The following TIMM23 variants were observed in gnomAD, a reference collection of about 807,000 sequenced individuals.
TIMM23 encodes the protein translocase of inner mitochondrial membrane 23.
A neutral mutation model predicts 30.7 loss-of-function variants in TIMM23; 19 were observed. The ratio of observed to expected loss-of-function variants is 0.62; its 90% CI spans 0.43 to 0.91. The LOEUF is 0.91. Ranked by LOEUF, TIMM23 falls within the 40% of genes least tolerant of loss-of-function variation. TIMM23 has a pLI of 0.00. For missense variants in TIMM23, 202 were observed against 269.2 expected (o/e 0.75, Z 1.75); for synonymous variants, 78 against 98.5 (o/e 0.79, Z 1.23).
chr10:45,983,459 C>G (rs1224908936), intron 4 of TIMM23, among the ~76,000 whole-genome samples: 5 of 152,154 alleles, frequency 3.3e-5, no homozygotes, highest in African/African-American at 1.2e-4. Context: ...TCTGTTAGAA[C>G]TTGAAGTTAC....
chr10:45,999,469 G>A (rs1564911973), intron 6 of TIMM23, among the ~76,000 whole-genome samples: 1 of 152,128 alleles, frequency 6.6e-6, no homozygotes, highest in African/African-American at 2.4e-5. Flanking sequence ...GACATCACAT[G>A]TCGGTAGGTT....
At chr10:45,982,175 ATTT>A (rs1837870916) in intron 2 of TIMM23, among the ~76,000 whole-genome samples, 1 of 152,236 alleles carries the variant, frequency 6.6e-6, no homozygotes, top group Non-Finnish European at 1.5e-5. Context: ...AATGAAAGTT[ATTT>A]GTTTCTTCCA....
At chr10:45,993,244 C>CTTTTTTTTTTTTTTTTTTTT (rs782013689) in intron 6 of TIMM23, among the ~76,000 whole-genome samples, 4 of 72,036 alleles carry the variant, frequency 5.6e-5, no homozygotes, top group African/African-American at 2.7e-4. Flanking sequence ...TCTACCATCA[C>CTTTTTTTTTTTTTTTTTTTT]TTTTTTTTTT....
intron 5 of TIMM23, 110 bp from the exon 6 acceptor site, chr10:45,988,627 G>C: frequency 1.3e-6 from 1 of 749,060 alleles, no homozygotes; most frequent in South Asian, 1.5e-5. Flanking sequence ...CACTTAGGAA[G>C]GGCTATGGGA....
At chr10:45,975,671 G>A (rs1453077907) in intron 2 of TIMM23, among the ~76,000 whole-genome samples, 159 bp downstream of exon 2, 1 of 152,064 alleles carries the variant, frequency 6.6e-6, no homozygotes, top group Non-Finnish European at 1.5e-5. Context: ...AGCTTGGCCT[G>A]CATCTCTCTG....
chr10:45,998,940 C>A (rs1440076027), intron 6 of TIMM23, among the ~76,000 whole-genome samples: 1 of 149,176 alleles, frequency 6.7e-6, no homozygotes, highest in East Asian at 2.0e-4. Flanking sequence ...TCAAGCAATT[C>A]TTTTGCTTCA....
chr10:45,983,931 A>G (rs1278980627), intron 4 of TIMM23, among the ~76,000 whole-genome samples: 4 of 152,016 alleles, frequency 2.6e-5, no homozygotes, highest in Non-Finnish European at 5.9e-5. Flanking sequence ...TTTTGTAGAG[A>G]CGGGGTCTCA....
chr10:45,974,422 G>A (rs1326505272), intron 1 of TIMM23, among the ~76,000 whole-genome samples: 1 of 152,170 alleles, frequency 6.6e-6, no homozygotes, highest in Non-Finnish European at 1.5e-5. Flanking sequence ...CAGGAAAATA[G>A]CTAGTGCAAA....
chr10:45,992,712 C>A (rs1838202566), intron 6 of TIMM23: 1 of 362,446 alleles, frequency 2.8e-6, no homozygotes, highest in African/African-American at 2.1e-5. Context: ...TGCCCGCCAC[C>A]ACGCCCAGCT....
intron 1 of TIMM23, 94 bp downstream of exon 1, chr10:45,972,824 T>C (rs1404147781): frequency 5.1e-5 from 79 of 1,551,326 alleles, no homozygotes; most frequent in Non-Finnish European, 6.3e-5. Context: ...GTTTTTTTTT[T>C]CCTTGCTGGC....
intron 2 of TIMM23, among the ~76,000 whole-genome samples, chr10:45,978,460 CATT>C (rs1293931319): frequency 1.3e-4 from 20 of 152,194 alleles, no homozygotes; most frequent in African/African-American, 4.1e-4. Flanking sequence ...ACTCTTGAAA[CATT>C]AATAAAAAAT....
At chr10:45,992,237 A>G (rs1282580086) in intron 6 of TIMM23, among the ~76,000 whole-genome samples, 3 of 152,174 alleles carry the variant, frequency 2.0e-5, no homozygotes, top group African/African-American at 4.8e-5. Flanking sequence ...TTGCTGGATT[A>G]CAGGCGTGAG....
intron 2 of TIMM23, among the ~76,000 whole-genome samples, chr10:45,979,768 A>AT (rs1325878501): frequency 6.6e-6 from 1 of 152,024 alleles, no homozygotes; most frequent in East Asian, 1.9e-4. Context: ...TTAAAGCTTC[A>AT]TTATTTTTGA....
chr10:45,974,560 G>A (rs1315942820), intron 1 of TIMM23, among the ~76,000 whole-genome samples: 1 of 152,220 alleles, frequency 6.6e-6, no homozygotes, highest in Non-Finnish European at 1.5e-5. Flanking sequence ...GACAGCTAAT[G>A]TAGGATTTTG....
intron 1 of TIMM23, among the ~76,000 whole-genome samples, chr10:45,974,236 A>G (rs1837596805): frequency 6.6e-6 from 1 of 152,090 alleles, no homozygotes; most frequent in Non-Finnish European, 1.5e-5. Flanking sequence ...TAAACCAACA[A>G]ACATAAATTA....
chr10:46,002,380 T>G (rs1481716916), intron 6 of TIMM23: 2 of 273,524 alleles, frequency 7.3e-6, no homozygotes, highest in Non-Finnish European at 1.1e-5. Context: ...TTTGCCGTGT[T>G]GCCTAGGTTG....
intron 1 of TIMM23, 83 bp from the exon 2 acceptor site, chr10:45,975,371 T>A: frequency 6.6e-7 from 1 of 1,519,852 alleles, no homozygotes; most frequent in South Asian, 1.1e-5. Context: ...TGCAAACACA[T>A]GTAACAGTCA....
chr10:45,998,426 G>C, intron 6 of TIMM23: 1 of 982,470 alleles, frequency 1.0e-6, no homozygotes, highest in Non-Finnish European at 1.2e-6. Context: ...TATTTGCTTT[G>C]CTTTATAGAG....
chr10:45,977,160 C>T (rs1837697908), intron 2 of TIMM23, among the ~76,000 whole-genome samples: 1 of 149,304 alleles, frequency 6.7e-6, no homozygotes, highest in Non-Finnish European at 1.5e-5. Flanking sequence ...TGGCAGTGCT[C>T]ACCAAATTAA....
Sources: allele counts gnomAD v4.1 joint callset (sites outside exome capture counted in the v4.1 genomes callset), GRCh38; gene constraint gnomAD v4.1.1; transcripts MANE v1.5; gene names NCBI Gene and HGNC (gene_info 2026-07-23, HGNC 2026-07-21).